KIF16B: variants seen among roughly 807,000 people sequenced by gnomAD.
KIF16B encodes the protein kinesin-like protein KIF16B.
In KIF16B, 98 loss-of-function variants were observed where a neutral mutation model predicts 156.3. The ratio of observed to expected loss-of-function variants is 0.63; its 90% CI spans 0.53 to 0.74. The LOEUF (loss-of-function observed/expected upper bound fraction) is 0.74, where lower values mean the gene tolerates loss of function less well. Among genes scored for constraint, KIF16B ranks in the 30% least tolerant of loss-of-function variants. The pLI is 0.00. For synonymous variants in KIF16B, 564 were observed against 583.7 expected, an observed-to-expected ratio of 0.97 and a Z score of 0.49; for missense variants, 1,421 against 1,606.5, an observed-to-expected ratio of 0.88 and a Z score of 1.97.
intron 17 of KIF16B, chr20:16,382,163 G>A: frequency 7.7e-7 from 1 of 1,299,740 alleles, no homozygotes; most frequent in Non-Finnish European, 1.0e-6. Flanking sequence ...GAGAGAAAGA[G>A]AGAGAGAGCA....
intron 17 of KIF16B, among the ~76,000 whole-genome samples, chr20:16,400,678 C>T (rs1361372323): frequency 6.6e-6 from 1 of 152,044 alleles, no homozygotes; most frequent in African/African-American, 2.4e-5. Context: ...ATTATTTGGC[C>T]ACAAAAAGAA....
chr20:16,512,702 G>A (rs2147062337), intron 5 of KIF16B, 124 bp downstream of exon 5: 2 of 606,242 alleles, frequency 3.3e-6, no homozygotes, highest in East Asian at 5.4e-5. Context: ...TCACAGGAGG[G>A]GAAAAGGGAA....
At chr20:16,400,992 T>C (rs1331365706) in intron 17 of KIF16B, among the ~76,000 whole-genome samples, 1 of 152,170 alleles carries the variant, frequency 6.6e-6, no homozygotes, top group Non-Finnish European at 1.5e-5. Context: ...TAACTGAAGA[T>C]TTGGCCCTGG....
At chr20:16,353,043 A>G (rs1359660876) in intron 23 of KIF16B, among the ~76,000 whole-genome samples, 3 of 152,236 alleles carry the variant, frequency 2.0e-5, no homozygotes, top group Admixed American at 6.5e-5. Flanking sequence ...AAAGAGAAGC[A>G]GCAAAGATTT....
intron 3 of KIF16B, among the ~76,000 whole-genome samples, chr20:16,520,576 G>A (rs2069310250): frequency 6.6e-6 from 1 of 152,212 alleles, no homozygotes; most frequent in Admixed American, 6.5e-5. Flanking sequence ...CAGAGCACCT[G>A]GGAGAAGGGG....
chr20:16,273,170 C>A lies in KIF16B; in HGVS notation c.*83G>T. 8.2e-7 allele frequency: 1 copy of A among 1,212,324 alleles called. No individual in the cohort carries two copies. 75.1% of individuals were successfully genotyped at this position (1,212,324 alleles called of 1,614,324 possible). On this transcript the variant is annotated 3_prime_UTR_variant, in exon 26 of 26. Transcript: ENST00000354981. Reference sequence around the variant, plus strand: ...TCAGCAGGAGGAGGCAGACCCGGATCCTCGCATGGGGGAGCTGCCCTGCAT... The same window carrying A: ...TCAGCAGGAGGAGGCAGACCCGGATACTCGCATGGGGGAGCTGCCCTGCAT...
At chr20:16,505,212 C>T (rs1600567795) in intron 9 of KIF16B, among the ~76,000 whole-genome samples, 1 of 152,144 alleles carries the variant, frequency 6.6e-6, no homozygotes, top group African/African-American at 2.4e-5. Flanking sequence ...CCTGACTTCT[C>T]CCAAACAATT....
intron 22 of KIF16B, chr20:16,368,481 C>T (rs548450850): frequency 5.1e-6 from 5 of 986,192 alleles, no homozygotes; most frequent in East Asian, 1.1e-4. Context: ...GGGAGGGGAG[C>T]CCCCTCGGGG....
In KIF16B at chr20:16,507,707, G is replaced by T. The variant is rs567590341; in HGVS notation, c.699+251C>A. On this transcript the variant is annotated intron_variant, in intron 7 of 25. Transcript: ENST00000354981. ...TTAAGCACAGAGCAAGTTGTTTTAT[G>T]TCTAGAACAGGGTGGAAGCCTTCTA... is the stretch of plus-strand genomic sequence containing the variant. Among the ~76,000 whole-genome samples the T allele has an allele frequency of 3.9e-5, 6 of 152,280 alleles. 1 individual carries two copies. The South Asian group carries it at 1.0e-3, about 26-fold the overall frequency.
chr20:16,509,372 T>C (rs187610981), intron 6 of KIF16B, among the ~76,000 whole-genome samples: 18 of 152,310 alleles, frequency 1.2e-4, no homozygotes, highest in African/African-American at 4.1e-4. Flanking sequence ...TCTAGACAGT[T>C]GAAATTTTGA....
At chr20:16,318,945 C>G (rs969473803) in intron 24 of KIF16B, among the ~76,000 whole-genome samples, 1 of 152,112 alleles carries the variant, frequency 6.6e-6, no homozygotes, top group Admixed American at 6.5e-5. Flanking sequence ...ACTTCAGCCA[C>G]GTGATCAAGT....
intron 12 of KIF16B, among the ~76,000 whole-genome samples, chr20:16,476,988 C>G (rs1310694776): frequency 6.6e-6 from 1 of 152,014 alleles, no homozygotes; most frequent in Non-Finnish European, 1.5e-5. Context: ...ACCTCATAAT[C>G]CGCCCGCCTC....
chr20:16,473,174 G>A (rs976624620), intron 12 of KIF16B, among the ~76,000 whole-genome samples: 18 of 152,164 alleles, frequency 1.2e-4, no homozygotes, highest in African/African-American at 3.4e-4. Flanking sequence ...AAAACCCAAC[G>A]GAAGTCCTCA....
At chr20:16,421,260 T>C (rs1026655211) in intron 15 of KIF16B, among the ~76,000 whole-genome samples, 3 of 152,186 alleles carry the variant, frequency 2.0e-5, no homozygotes, top group Admixed American at 1.3e-4. Flanking sequence ...AAAATGCTAC[T>C]ATATTTAATG....
At chr20:16,388,104 AC>A (rs2065270744) in intron 17 of KIF16B, among the ~76,000 whole-genome samples, 1 of 152,180 alleles carries the variant, frequency 6.6e-6, no homozygotes, top group Non-Finnish European at 1.5e-5. Context: ...AAATAATGAT[AC>A]CTGTTTCCTC....
intron 23 of KIF16B, among the ~76,000 whole-genome samples, chr20:16,339,286 T>C (rs1213231752): frequency 2.6e-5 from 4 of 152,246 alleles, no homozygotes; most frequent in African/African-American, 9.6e-5. Context: ...AGCTGTCTGA[T>C]AGCGTTCTCC....
At chr20:16,422,185 C>CA (rs1376580825) in intron 15 of KIF16B, among the ~76,000 whole-genome samples, 1 of 152,082 alleles carries the variant, frequency 6.6e-6, no homozygotes, top group Non-Finnish European at 1.5e-5. Flanking sequence ...GCTATATAAA[C>CA]AATTTCTTCT....
intron 25 of KIF16B, among the ~76,000 whole-genome samples, chr20:16,276,575 C>T (rs1057091051): frequency 2.6e-5 from 4 of 152,168 alleles, no homozygotes; most frequent in African/African-American, 4.8e-5. Context: ...GATTAGGAAG[C>T]GTTCTTTGCA....
At chr20:16,426,344 C>G (rs1292284024) in intron 15 of KIF16B, among the ~76,000 whole-genome samples, 2 of 152,064 alleles carry the variant, frequency 1.3e-5, no homozygotes, top group Non-Finnish European at 2.9e-5. Flanking sequence ...CATATCTGAC[C>G]TACTGTTTTC....
Sources: gnomAD v4.1 joint callset for allele counts (sites outside exome capture counted in the v4.1 genomes callset) on GRCh38, gnomAD v4.1.1 for gene constraint, MANE v1.5 for transcripts, NCBI Gene and HGNC (gene_info 2026-07-23, HGNC 2026-07-21) for gene names.